SNX27: variants seen among roughly 807,000 people sequenced by gnomAD.
SNX27 encodes the protein sorting nexin 27.
Under a neutral mutation model 71.6 loss-of-function variants are expected in SNX27, and 22 were observed. The ratio of observed to expected loss-of-function variants is 0.31; its 90% CI spans 0.22 to 0.44. The LOEUF is 0.44. SNX27 is among the 20% of genes least tolerant of loss of function. SNX27 has a pLI of 1.00. For synonymous variants in SNX27, 269 were observed against 277.2 expected (o/e 0.97, Z 0.29); for missense variants, 531 against 698.6 (o/e 0.76, Z 2.70).
At chr1:151,637,439 A>G (rs1426534370) in intron 1 of SNX27, among the ~76,000 whole-genome samples, 3 of 152,146 alleles carry the variant, frequency 2.0e-5, no homozygotes, top group Non-Finnish European at 4.4e-5. Flanking sequence ...CGGCCTCCCA[A>G]AGTGCTGGGA....
chr1:151,686,022 CCAATA>C (rs1671180489), intron 8 of SNX27, among the ~76,000 whole-genome samples: 1 of 152,190 alleles, frequency 6.6e-6, no homozygotes, highest in Non-Finnish European at 1.5e-5. Flanking sequence ...ATGATTCTGA[CCAATA>C]CATTTGCATC....
At chr1:151,615,458 A>G (rs1267086607) in intron 1 of SNX27, among the ~76,000 whole-genome samples, 3 of 151,950 alleles carry the variant, frequency 2.0e-5, no homozygotes, top group Non-Finnish European at 4.4e-5. Context: ...CTTGAGGGAT[A>G]TCTGTGCCCG....
intron 1 of SNX27, among the ~76,000 whole-genome samples, chr1:151,623,394 C>T (rs1367363129): frequency 6.6e-6 from 1 of 152,040 alleles, no homozygotes; most frequent in Non-Finnish European, 1.5e-5. Context: ...CCCACCTTGG[C>T]CTCCCAAAGT....
At chr1:151,623,331 G>A (rs1163944127) in intron 1 of SNX27, among the ~76,000 whole-genome samples, 1 of 152,094 alleles carries the variant, frequency 6.6e-6, no homozygotes, top group Non-Finnish European at 1.5e-5. Flanking sequence ...TAGTAGAGAC[G>A]GGGTTTCACC....
At chr1:151,617,395 C>T (rs1667469881) in intron 1 of SNX27, among the ~76,000 whole-genome samples, 1 of 152,168 alleles carries the variant, frequency 6.6e-6, no homozygotes, top group Non-Finnish European at 1.5e-5. Context: ...TCCCCTGCCT[C>T]AGCTTCCCAA....
rs369005846 is a variant in SNX27 at position 151,639,139 on chromosome 1, G to A, written c.543+20G>A. On this transcript the variant is annotated intron_variant, in intron 2 of 11. Coordinates refer to ENST00000458013, the MANE Select transcript of SNX27 (RefSeq NM_001330723.2). ...TTTGTGGTGAGTGTCAGCCCAACTC[G>A]ATCCTCGAACATCTAGCTTTGTTTC... 1.3e-6 allele frequency: 2 copies of A among 1,592,060 alleles called. No individual in the cohort carries two copies. Among genetic ancestry groups the A allele is most frequent in the South Asian group, 2.2e-5 (2 of 89,804 alleles).
At chr1:151,641,596 C>CAGATAGAT (rs1420352260) in intron 2 of SNX27, among the ~76,000 whole-genome samples, 1 of 14,196 alleles carries the variant, frequency 7.0e-5, no homozygotes. Flanking sequence ...AGTCCTTTAT[C>CAGATAGAT]AGATATATAT....
intron 1 of SNX27, among the ~76,000 whole-genome samples, chr1:151,616,034 T>C (rs1367876842): frequency 1.3e-5 from 2 of 152,238 alleles, no homozygotes; most frequent in African/African-American, 4.8e-5. Flanking sequence ...CCCTCTGGGC[T>C]CTAAATTTTA....
intron 7 of SNX27, among the ~76,000 whole-genome samples, chr1:151,681,233 A>ATTTTTTTTTTTTTTTTTTTTTTT (rs1558071789): frequency 1.1e-5 from 1 of 87,376 alleles, no homozygotes; most frequent in African/African-American, 5.0e-5. Context: ...TAGTCTCTCA[A>ATTTTTTTTTTTTTTTTTTTTTTT]TCTTTTTTTT....
chr1:151,679,619 T>A (rs2102715635), intron 7 of SNX27: 1 of 152,296 alleles, frequency 6.6e-6, no homozygotes, highest in Non-Finnish European at 1.5e-5. Context: ...GAGGAAAAAT[T>A]GGTGATAGGT....
chr1:151,638,643 T>C (rs936809981), intron 1 of SNX27, among the ~76,000 whole-genome samples: 1 of 152,140 alleles, frequency 6.6e-6, no homozygotes, highest in African/African-American at 2.4e-5. Flanking sequence ...AAGCTATGTG[T>C]GGGATATTAG....
intron 1 of SNX27, among the ~76,000 whole-genome samples, chr1:151,633,535 T>C (rs1420613663): frequency 7.4e-6 from 1 of 135,296 alleles, no homozygotes; most frequent in East Asian, 2.1e-4. Flanking sequence ...TGAGCTCAAG[T>C]GATCCGCCCT....
intron 11 of SNX27, chr1:151,693,926 G>C (rs1197666560): frequency 1.5e-6 from 2 of 1,342,416 alleles, no homozygotes; most frequent in Admixed American, 6.7e-5. Flanking sequence ...ACTGCTGTCT[G>C]TATGTGCCAG....
chr1:151,671,606 A>G (rs1408443368), intron 7 of SNX27, among the ~76,000 whole-genome samples: 1 of 151,062 alleles, frequency 6.6e-6, no homozygotes, highest in Non-Finnish European at 1.5e-5. Context: ...AAATTTTAGG[A>G]TAGTTTTTTT....
chr1:151,629,152 G>T (rs942013330), intron 1 of SNX27, among the ~76,000 whole-genome samples: 15 of 150,804 alleles, frequency 9.9e-5, no homozygotes, highest in Non-Finnish European at 1.9e-4. Flanking sequence ...AACATTTCTA[G>T]ATTATTTTGT....
rs533126062 is a variant in SNX27, at chr1:151,697,970, G to A, written c.*3553G>A. On this transcript the variant is annotated 3_prime_UTR_variant, in exon 12 of 12. Coordinates refer to ENST00000458013, the MANE Select transcript of SNX27 (RefSeq NM_001330723.2). The stretch of plus-strand genomic sequence containing the variant: ...CTGAGAAACCTGTCCCTGCAGAAAG[G>A]TTCCCTTGGGCCATGCTTTGGGCCC... The A allele has an allele frequency of 1.1e-4, 17 of 152,166 alleles. No homozygotes were observed. The highest frequency in any genetic ancestry group is 2.1e-4 in the Non-Finnish European group (14 of 68,038). 9.4% of individuals were successfully genotyped at this position (152,166 alleles called of 1,614,324 possible).
chr1:151,632,072 A>G (rs1668262925), intron 1 of SNX27, among the ~76,000 whole-genome samples: 3 of 152,098 alleles, frequency 2.0e-5, no homozygotes, highest in Admixed American at 1.3e-4. Flanking sequence ...TGTTTGATGA[A>G]TTTAACTTTT....
In SNX27 at chr1:151,641,964, GATAT is replaced by G. The variant is rs35524324; in HGVS notation, c.543+2854_543+2857del. ...ATATATCAGCTATAGATATATATGA[GATAT>G]ATATATATCAGATATAGATATATAT... On this transcript the variant is annotated intron_variant, in intron 2 of 11. Transcript: ENST00000458013. Among the ~76,000 whole-genome samples the G allele has an allele frequency of 5.2e-5, 5 of 96,666 alleles. 1 individual carries two copies. The highest frequency in any genetic ancestry group is 1.3e-4 in the African/African-American group (3 of 23,752). The allele number at this position is 96,666 out of a possible 152,430, so 63.4% of individuals were successfully genotyped here. A position where few individuals can be genotyped will look rare whatever the true frequency, so the allele number is the denominator to read the frequency against.
intron 7 of SNX27, among the ~76,000 whole-genome samples, chr1:151,671,977 A>G (rs372313054): frequency 3.9e-5 from 6 of 152,072 alleles, no homozygotes; most frequent in African/African-American, 7.2e-5. Flanking sequence ...TTCCTTTCCA[A>G]TTTGGATGCC....
Sources: allele counts gnomAD v4.1 joint callset (sites outside exome capture counted in the v4.1 genomes callset), GRCh38; gene constraint gnomAD v4.1.1; transcripts MANE v1.5; gene names NCBI Gene and HGNC (gene_info 2026-07-23, HGNC 2026-07-21).